PTK2: variants seen among roughly 807,000 people sequenced by gnomAD.
PTK2 encodes focal adhesion kinase 1.
A neutral mutation model predicts 150.1 loss-of-function variants in PTK2; 45 were observed. The ratio of observed to expected loss-of-function variants is 0.30; its 90% confidence interval spans 0.24 to 0.38. PTK2 has a LOEUF of 0.38. Among genes scored for constraint, PTK2 ranks in the 10% least tolerant of loss-of-function variants. PTK2 has a pLI of 1.00. For synonymous variants in PTK2, 432 were observed against 449.2 expected, an observed-to-expected ratio of 0.96 and a Z score of 0.48; for missense variants, 919 against 1,307.3, an observed-to-expected ratio of 0.70 and a Z score of 4.58.
At chr8:140,919,833 A>C (rs2154608244) in intron 2 of PTK2, among the ~76,000 whole-genome samples, 1 of 152,334 alleles carries the variant, frequency 6.6e-6, no homozygotes, top group South Asian at 2.1e-4. Flanking sequence ...AAATAGTTCT[A>C]ATATCACGTT....
Position 140,886,213 on chromosome 8 carries a change from G to C in PTK2, c.195+4330C>G, listed in dbSNP as rs1369296415. Among the ~76,000 whole-genome samples the C allele has an allele frequency of 3.3e-5, 5 of 152,302 alleles. No homozygotes were observed. In the East Asian group the frequency reaches 9.6e-4, roughly 29 times the overall value. The stretch of plus-strand genomic sequence containing the variant: ...TAACTAAAAGATGAGGTAACCCTTT[G>C]ACTGGAGCACTGGATGGTTATTTTG... On this transcript the variant is annotated intron_variant, in intron 3 of 31. Coordinates refer to ENST00000522684, the Ensembl canonical transcript of PTK2.
At chr8:140,686,159 G>A (rs2100019665) in intron 27 of PTK2, among the ~76,000 whole-genome samples, 1 of 152,134 alleles carries the variant, frequency 6.6e-6, no homozygotes, top group Non-Finnish European at 1.5e-5. Flanking sequence ...AATACCACAT[G>A]TTCTCACTTA....
intron 1 of PTK2, among the ~76,000 whole-genome samples, chr8:140,988,162 A>C (rs2100194069): frequency 6.6e-6 from 1 of 152,220 alleles, no homozygotes; most frequent in Non-Finnish European, 1.5e-5. Flanking sequence ...CCTTGTACAA[A>C]AATATTCAGA....
At position 140,949,935 on chromosome 8, in the gene PTK2, G is replaced by A. The variant is rs569506952; in HGVS notation, c.-121-24186C>T. Among the ~76,000 whole-genome samples the A allele has an allele frequency of 2.2e-4, 33 of 152,220 alleles. No individual in the cohort carries two copies. The South Asian group carries it at 3.5e-3, about 16-fold the overall frequency. ...GGCCTGCCCATGGCCCAATCAGTAC[G>A]CACTTCCTCCCTTCTGAGCCCATAA... On this transcript the variant is annotated intron_variant, in intron 1 of 31. Transcript: ENST00000522684.
chr8:140,971,869 T>C (rs540619554), intron 1 of PTK2, among the ~76,000 whole-genome samples: 1 of 152,348 alleles, frequency 6.6e-6, no homozygotes, highest in Admixed American at 6.5e-5. Flanking sequence ...TCAAAATCCA[T>C]TTAACTGTGC....
intron 1 of PTK2, 69 bp downstream of exon 1, chr8:141,001,054 CCA>C (rs2100200055): frequency 6.6e-6 from 1 of 151,684 alleles, no homozygotes; most frequent in Non-Finnish European, 1.5e-5. Flanking sequence ...GCGGCCCAGC[CCA>C]CGACCGCTGC....
chr8:140,883,597 T>G (rs1477881408), intron 3 of PTK2, among the ~76,000 whole-genome samples: 1 of 152,206 alleles, frequency 6.6e-6, no homozygotes, highest in Non-Finnish European at 1.5e-5. Context: ...ACCAAGGGAT[T>G]CCTACCATTC....
chr8:140,857,728 T>C (rs1420895846), intron 5 of PTK2, among the ~76,000 whole-genome samples: 1 of 152,178 alleles, frequency 6.6e-6, no homozygotes, highest in Admixed American at 6.5e-5. Flanking sequence ...AGAGAGCTTA[T>C]CTTGAGATTC....
intron 2 of PTK2, among the ~76,000 whole-genome samples, chr8:140,919,590 G>A (rs1211005627): frequency 2.0e-5 from 3 of 151,992 alleles, no homozygotes; most frequent in Admixed American, 1.3e-4. Flanking sequence ...ATATGCAAAC[G>A]AACCCCAGCA....
At chr8:140,805,149 A>G (rs2100097509) in intron 10 of PTK2, among the ~76,000 whole-genome samples, 1 of 152,160 alleles carries the variant, frequency 6.6e-6, no homozygotes, top group South Asian at 2.1e-4. Flanking sequence ...AGACTCATGC[A>G]TCCAGCTCCC....
chr8:140,817,345 A>T (rs1239150421), intron 10 of PTK2, among the ~76,000 whole-genome samples: 1 of 152,248 alleles, frequency 6.6e-6, no homozygotes, highest in Non-Finnish European at 1.5e-5. Flanking sequence ...CTTGGAAAAA[A>T]GCAGGTCAGA....
Position 140,744,783 on chromosome 8 carries a change from C to T in PTK2, c.1519-16G>A. The T allele has an allele frequency of 8.4e-7, 1 of 1,189,078 alleles. No homozygotes were observed. The highest frequency in any genetic ancestry group is 2.6e-5 in the Admixed American group (1 of 38,958). The allele number at this position is 1,189,078 out of a possible 1,614,324, so 73.7% of individuals were successfully genotyped here. A position where few individuals can be genotyped will look rare whatever the true frequency, so the allele number is the denominator to read the frequency against. On this transcript the variant is annotated splice_polypyrimidine_tract_variant and intron_variant, in intron 18 of 31. Transcript: ENST00000522684. ...ATGACCTCAGCTTTTGGAACAATGA[C>T]CAAAAGAAAAAAAAAAAAAAAAGAA...
chr8:140,717,458 A>C, intron 23 of PTK2, 140 bp downstream of exon 26: 1 of 650,780 alleles, frequency 1.5e-6, no homozygotes, highest in Non-Finnish European at 2.7e-6. Flanking sequence ...AGCAAAAAGG[A>C]AACAATTAGT....
At chr8:140,953,245 A>G (rs916431370) in intron 1 of PTK2, among the ~76,000 whole-genome samples, 4 of 152,198 alleles carry the variant, frequency 2.6e-5, no homozygotes, top group African/African-American at 7.2e-5. Context: ...TATATATACT[A>G]TGTTTTTCCT....
intron 14 of PTK2, 194 bp from the exon 17 acceptor site, chr8:140,764,484 T>G: frequency 1.8e-6 from 1 of 569,304 alleles, no homozygotes; most frequent in Non-Finnish European, 3.1e-6. Flanking sequence ...TCCAATACGT[T>G]ATAATACACA....
intron 1 of PTK2, among the ~76,000 whole-genome samples, chr8:140,964,980 G>C (rs2052095571): frequency 6.6e-6 from 1 of 152,090 alleles, no homozygotes; most frequent in African/African-American, 2.4e-5. Flanking sequence ...AATTTTGATG[G>C]TCCTGCTATC....
rs1425713840 is a variant in PTK2, at chr8:140,764,413, C to T, written c.1178-123G>A. On this transcript the variant is annotated intron_variant, in intron 14 of 31. Transcript: ENST00000522684. ...CTACTACGCTGAAATATTCTTAAAA[C>T]ACTATTACTCAAATTTTGCTCACAC... The T allele has an allele frequency of 1.4e-5, 10 of 731,732 alleles. No individual in the cohort carries two copies. In the East Asian group the frequency reaches 2.5e-4, roughly 19 times the overall value. The allele number at this position is 731,732 out of a possible 1,614,324, so 45.3% of individuals were successfully genotyped here.
intron 1 of PTK2, among the ~76,000 whole-genome samples, chr8:140,973,439 T>C (rs1310483734): frequency 6.6e-6 from 1 of 151,844 alleles, no homozygotes; most frequent in Non-Finnish European, 1.5e-5. Context: ...AATTTAGATA[T>C]ACCCCTAAAA....
intron 1 of PTK2, among the ~76,000 whole-genome samples, chr8:140,967,340 C>A (rs2100185639): frequency 6.6e-6 from 1 of 151,894 alleles, no homozygotes; most frequent in African/African-American, 2.4e-5. Context: ...GACATATTGA[C>A]AAATTATAAG....
Sources: allele counts gnomAD v4.1 joint callset (sites outside exome capture counted in the v4.1 genomes callset), GRCh38; gene constraint gnomAD v4.1.1; transcripts MANE v1.5; gene names NCBI Gene and HGNC (gene_info 2026-07-23, HGNC 2026-07-21).